Variants in MRPL43 observed in about 807,000 individuals in gnomAD.
MRPL43 encodes the protein large ribosomal subunit protein mL43.
Under a neutral mutation model 12.7 loss-of-function variants are expected in MRPL43, and 9 were observed. The observed-to-expected ratio is 0.71, with a 90% confidence interval of 0.43 to 1.24. MRPL43 has a LOEUF of 1.24. MRPL43 is among the 50% of genes most tolerant of loss of function. MRPL43 has a pLI of 0.00. For synonymous variants in MRPL43, 116 were observed against 96.4 expected, an observed-to-expected ratio of 1.20 and a Z score of -1.19; for missense variants, 211 against 229.2, an observed-to-expected ratio of 0.92 and a Z score of 0.51.
chr10:100,984,594 C>T (rs1434047317), downstream of MRPL43: 5 of 1,536,090 alleles, frequency 3.3e-6, no homozygotes, highest in South Asian at 1.2e-5. Context: ...GCCACCTAAG[C>T]CCTGCGTACA....
downstream of MRPL43, chr10:100,978,779 GT>G (rs1440961774): frequency 1.9e-6 from 3 of 1,579,646 alleles, no homozygotes; most frequent in Non-Finnish European, 1.7e-6. Context: ...CAAGTGAGGG[GT>G]CAGCCTCAGA....
downstream of MRPL43, chr10:100,984,507 C>T (rs140873008): frequency 4.3e-4 from 661 of 1,535,870 alleles, 6 homozygotes; most frequent in African/African-American, 7.8e-3. Context: ...TCTGCAGGTC[C>T]ATATGGGCTC....
Position 100,987,153 on chromosome 10 carries a change from G to T in MRPL43, c.175C>A (p.Pro59Thr), listed in dbSNP as rs778152208. 11 of 1,613,798 alleles carry T rather than the reference G, an allele frequency of 6.8e-6. No homozygotes were observed. ...GAGTTTACATATATTACGACCCCTG[G>T]ATTCCGTCGGGCGAAGTCGATCACC... The part of the protein sequence containing the change: ...REVIDFARRN[P>T]GVVIYVNSRP... Residue 59 changes from proline to threonine, a missense_variant, in exon 2 of 3, where the codon CCA becomes ACA. Transcript: ENST00000318364.
rs1182785430 is a variant in MRPL43, at chr10:100,986,613, CCT to C, written c.*119_*120del. On this transcript the variant is annotated 3_prime_UTR_variant, in exon 3 of 3. Coordinates refer to ENST00000318364, the MANE Select transcript of MRPL43 (RefSeq NM_032112.3). Reference sequence around the variant, plus strand: ...CAGCTCTTCATTATCCCAAGCAGAACCTCTGTCAACTTGCCCATTGATGGGTT... The same window carrying C: ...CAGCTCTTCATTATCCCAAGCAGAACCTGTCAACTTGCCCATTGATGGGTT... The C allele has an allele frequency of 1.9e-6, 3 of 1,612,610 alleles. No individual in the cohort carries two copies. The highest frequency in any genetic ancestry group is 2.5e-6 in the Non-Finnish European group (3 of 1,179,674).
rs765229916 is a variant in MRPL43, at chr10:100,987,323, G to A, written c.121C>T (p.Arg41Cys). 1.9e-6 allele frequency: 3 copies of A among 1,612,270 alleles called. No individual in the cohort carries two copies. In the South Asian group the frequency reaches 3.3e-5, roughly 18 times the overall value. Residue 41 changes from arginine (R) to cysteine (C), a missense_variant, in exon 1 of 3, where the codon CGC becomes TGC. Transcript: ENST00000318364. ...FSVSRDGASS[R>C]GAREFVEREV... ...CTTCCCTTGGCTCACCTGGCGCCGCGAGACGAGGCGCCGTCGCGGCTGACG... is the reference window on the plus strand; with the variant it reads ...CTTCCCTTGGCTCACCTGGCGCCGCAAGACGAGGCGCCGTCGCGGCTGACG...
chr10:100,986,349 A>C lies in MRPL43; in HGVS notation c.*385T>G, dbSNP rs1851463342. ...AGATATAAAGTGCCTAGCCCATCAC[A>C]GCAGAGCTCTCCGTAGCTCAGTGGT... On this transcript the variant is annotated 3_prime_UTR_variant, in exon 3 of 3. Coordinates refer to ENST00000318364, the MANE Select transcript of MRPL43 (RefSeq NM_032112.3). The C allele has an allele frequency of 6.9e-7, 1 of 1,445,448 alleles. No individual in the cohort carries two copies. The highest frequency in any genetic ancestry group is 9.1e-7 in the Non-Finnish European group (1 of 1,104,818). The allele number at this position is 1,445,448 out of a possible 1,614,324, so 89.5% of individuals were successfully genotyped here.
At chr10:100,981,368 G>A (rs952771747), downstream of MRPL43, 7 of 1,608,022 alleles carry the variant, frequency 4.4e-6, no homozygotes, top group African/African-American at 9.4e-5. Context: ...ACAGAGCCTG[G>A]CACAGAGTAA....
chr10:100,987,477 C>A lies in MRPL43; in HGVS notation c.-34G>T, dbSNP rs767826282. On this transcript the variant is annotated 5_prime_UTR_variant, in exon 1 of 3. Transcript: ENST00000318364. Reference sequence around the variant, plus strand: ...CTTGGAGGCCGCGGAGCCTAAGCAGCGAGGAGAGGGGGGCGGGACTAAACC... The same window carrying A: ...CTTGGAGGCCGCGGAGCCTAAGCAGAGAGGAGAGGGGGGCGGGACTAAACC... 14 of 1,606,022 alleles carry A rather than the reference C, an allele frequency of 8.7e-6. No individual in the cohort carries two copies. Among genetic ancestry groups the A allele is most frequent in the African/African-American group, 1.3e-5 (1 of 74,742 alleles).
At chr10:100,983,596 C>G (rs1376084022), downstream of MRPL43, 3 of 1,613,998 alleles carry the variant, frequency 1.9e-6, no homozygotes, top group Admixed American at 1.7e-5. Context: ...GCTCCAAAAG[C>G]CCCTGCCACA....
At chr10:100,979,489 T>C, downstream of MRPL43, 1 of 1,287,116 alleles carries the variant, frequency 7.8e-7, no homozygotes, top group Non-Finnish European at 1.0e-6. Flanking sequence ...TTCAAGTGAT[T>C]ATCCTGCCTC....
downstream of MRPL43, chr10:100,983,787 G>A (rs1282725183): frequency 1.2e-6 from 2 of 1,607,394 alleles, no homozygotes; most frequent in Non-Finnish European, 1.7e-6. Flanking sequence ...AGGATCTGCG[G>A]TGCAACTGCA....
At chr10:100,984,017 G>A (rs1413580384), downstream of MRPL43, 15 of 1,613,482 alleles carry the variant, frequency 9.3e-6, no homozygotes, top group Non-Finnish European at 1.2e-5. Flanking sequence ...TTCTGAGGCA[G>A]AGCAACAATG....
At chr10:100,983,287 C>G (rs772048733), downstream of MRPL43, 7 of 1,509,846 alleles carry the variant, frequency 4.6e-6, no homozygotes, top group Non-Finnish European at 5.3e-6. Context: ...GTACTGACCT[C>G]TCCCCCAAAC....
chr10:100,979,763 A>T (rs1850967946), downstream of MRPL43: 1 of 1,525,566 alleles, frequency 6.6e-7, no homozygotes, highest in African/African-American at 1.4e-5. Context: ...TGGCCAGGGT[A>T]ACAGTGAGCT....
chr10:100,987,294 C>A lies in MRPL43; in HGVS notation c.131+19G>T, dbSNP rs370844263. On this transcript the variant is annotated intron_variant, in intron 1 of 2. Transcript: ENST00000318364. ...CCACACCCACCCCGACCCGCGCCTG[C>A]GCACTTCCCTTGGCTCACCTGGCGC... 7 of 1,611,898 alleles carry A rather than the reference C, an allele frequency of 4.3e-6. No individual in the cohort carries two copies. The highest frequency in any genetic ancestry group is 1.3e-5 in the African/African-American group (1 of 74,942).
At position 100,987,479 on chromosome 10, in the gene MRPL43, A is replaced by C; in HGVS notation, c.-36T>G. ...TGGAGGCCGCGGAGCCTAAGCAGCG[A>C]GGAGAGGGGGGCGGGACTAAACCTC... On this transcript the variant is annotated 5_prime_UTR_variant, in exon 1 of 3. Transcript: ENST00000318364. 1 of 1,606,110 alleles carries C rather than the reference A, an allele frequency of 6.2e-7. No individual in the cohort carries two copies. Among genetic ancestry groups the C allele is most frequent in the Non-Finnish European group, 8.5e-7 (1 of 1,176,678 alleles).
downstream of MRPL43, chr10:100,980,928 G>A (rs1236915123): frequency 6.2e-7 from 1 of 1,611,752 alleles, no homozygotes; most frequent in South Asian, 1.1e-5. Context: ...GACCCCTACT[G>A]TGGCTGGGAC....
downstream of MRPL43, chr10:100,984,053 C>T (rs776432076): frequency 5.6e-6 from 9 of 1,613,724 alleles, no homozygotes; most frequent in South Asian, 5.5e-5. Flanking sequence ...CCTGCTCCTT[C>T]GCCGAGGAAC....
In MRPL43 at chr10:100,987,421, C is replaced by T; in HGVS notation, c.23G>A (p.Ser8Asn). Residue 8 changes from serine (S) to asparagine (N), a missense_variant, in exon 1 of 3, where the codon AGC becomes AAC. Physicochemically the swap from Ser to Asn is conservative, Grantham distance 46. Transcript: ENST00000318364. ...GTGGAGAACGCTGGCCAAGAAGCGGCTCGGAGTCCCGCGCGCCGTCATAGC... is the reference window on the plus strand; with the variant it reads ...GTGGAGAACGCTGGCCAAGAAGCGGTTCGGAGTCCCGCGCGCCGTCATAGC... MTARGTP[S>N]RFLASVLHNG... 6.2e-7 allele frequency: 1 copy of T among 1,612,410 alleles called. No individual in the cohort carries two copies. Among genetic ancestry groups the T allele is most frequent in the Non-Finnish European group, 8.5e-7 (1 of 1,179,882 alleles).
Sources: gnomAD v4.1 joint callset for allele counts on GRCh38, gnomAD v4.1.1 for gene constraint, MANE v1.5 for transcripts, NCBI Gene and HGNC (gene_info 2026-07-23, HGNC 2026-07-21) for gene names.